Variants in GRIK3 observed in about 807,000 individuals in gnomAD.
GRIK3 encodes the protein glutamate receptor ionotropic, kainate 3.
In GRIK3, 29 loss-of-function variants were observed where a neutral mutation model predicts 102.5. That is an observed-to-expected ratio of 0.28 (90% CI 0.21 to 0.39). The LOEUF is 0.39. Among genes scored for constraint, GRIK3 ranks in the 10% least tolerant of loss-of-function variants. The probability of loss-of-function intolerance (pLI) is 1.00; values close to 1 mark genes in which losing one functional copy is unlikely to be tolerated. For missense variants in GRIK3, 908 were observed against 1,252.4 expected, an observed-to-expected ratio of 0.73 and a Z score of 4.15; for synonymous variants, 511 against 504.9, an observed-to-expected ratio of 1.01 and a Z score of -0.16.
At chr1:36,989,787 G>C (rs1188905471) in intron 1 of GRIK3, among the ~76,000 whole-genome samples, 6 of 152,114 alleles carry the variant, frequency 3.9e-5, no homozygotes, top group Admixed American at 3.9e-4. Context: ...CACAATCTCA[G>C]CCTGAAGTAG....
chr1:36,990,258 A>G (rs1271459645), intron 1 of GRIK3, among the ~76,000 whole-genome samples: 3 of 152,192 alleles, frequency 2.0e-5, no homozygotes, highest in Admixed American at 6.5e-5. Context: ...TGCCCCATCC[A>G]CCCGACTGGG....
chr1:36,909,512 G>T (rs558724577), intron 1 of GRIK3, among the ~76,000 whole-genome samples: 9 of 152,246 alleles, frequency 5.9e-5, no homozygotes, highest in African/African-American at 2.2e-4. Flanking sequence ...CGTTGACCAG[G>T]CTGATTTCGA....
chr1:36,978,476 C>T, intron 1 of GRIK3, among the ~76,000 whole-genome samples: 1 of 152,238 alleles, frequency 6.6e-6, no homozygotes, highest in African/African-American at 2.4e-5. Context: ...TGCTGCATAA[C>T]AAATCTTCAC....
At position 36,906,598 on chromosome 1, in the gene GRIK3, A is replaced by G. The variant is rs142292275; in HGVS notation, c.116-15502T>C. Among the ~76,000 whole-genome samples, 125 of 152,338 alleles carry G rather than the reference A, an allele frequency of 8.2e-4. 1 individual carries two copies. In the East Asian group the frequency reaches 0.013, roughly 16 times the overall value. On this transcript the variant is annotated intron_variant, in intron 1 of 15. Transcript: ENST00000373091. The stretch of plus-strand genomic sequence containing the variant: ...GCAGGGTTGACAAACTTTGTCTGCA[A>G]AGGATCGGAGGGTAAATGTTTTAGA...
intron 1 of GRIK3, among the ~76,000 whole-genome samples, chr1:36,906,663 TTG>T (rs1481990732): frequency 1.1e-4 from 16 of 139,394 alleles, no homozygotes; most frequent in African/African-American, 3.8e-4. Flanking sequence ...ATGGTTGTTG[TTG>T]CAAGGACTCA....
chr1:36,916,525 T>C (rs1041865802), intron 1 of GRIK3, among the ~76,000 whole-genome samples: 1 of 151,690 alleles, frequency 6.6e-6, no homozygotes, highest in African/African-American at 2.4e-5. Context: ...AGGAGAAAAA[T>C]GGTTTTGTGG....
intron 1 of GRIK3, among the ~76,000 whole-genome samples, chr1:37,030,199 A>T (rs1402819460): frequency 6.6e-6 from 1 of 152,192 alleles, no homozygotes; most frequent in East Asian, 1.9e-4. Flanking sequence ...CAGGGGGGAA[A>T]ACCCTATTGA....
At chr1:36,995,657 C>T (rs539308089) in intron 1 of GRIK3, among the ~76,000 whole-genome samples, 36 of 152,342 alleles carry the variant, frequency 2.4e-4, no homozygotes, top group African/African-American at 8.7e-4. Context: ...AGAAACCACA[C>T]AGTTTCCTCA....
chr1:36,884,979 G>A (rs1641021817), intron 2 of GRIK3, among the ~76,000 whole-genome samples: 1 of 152,220 alleles, frequency 6.6e-6, no homozygotes, highest in Admixed American at 6.5e-5. Context: ...AGGATTGTAA[G>A]AGTGTTCTTC....
chr1:37,028,667 A>C (rs1243950439), intron 1 of GRIK3, among the ~76,000 whole-genome samples: 1 of 152,182 alleles, frequency 6.6e-6, no homozygotes, highest in Non-Finnish European at 1.5e-5. Context: ...CACCGCATTC[A>C]GCCCCTTAAA....
At chr1:36,841,632 C>T (rs1640451464) in intron 10 of GRIK3, 104 bp downstream of exon 10, 2 of 967,166 alleles carry the variant, frequency 2.1e-6, no homozygotes, top group African/African-American at 1.6e-5. Context: ...CACTCCTGTC[C>T]CCAGGGCCTT....
intron 7 of GRIK3, among the ~76,000 whole-genome samples, chr1:36,857,267 GGCTGCTCA>G (rs1383523954): frequency 2.0e-5 from 3 of 152,276 alleles, no homozygotes; most frequent in African/African-American, 7.2e-5. Context: ...CTCACACAGT[GGCTGCTCA>G]GCTGGAGGCC....
intron 1 of GRIK3, among the ~76,000 whole-genome samples, chr1:37,028,295 C>T (rs1016452052): frequency 6.6e-6 from 1 of 152,104 alleles, no homozygotes; most frequent in African/African-American, 2.4e-5. Context: ...GACATGTAGA[C>T]TACAGACCCC....
chr1:36,879,750 C>T (rs147654138), intron 3 of GRIK3, among the ~76,000 whole-genome samples: 218 of 152,310 alleles, frequency 1.4e-3, no homozygotes, highest in African/African-American at 5.1e-3. Flanking sequence ...TTAGCTCTAG[C>T]TGGCAGAGCA....
chr1:36,874,869 C>T (rs140406556), intron 3 of GRIK3, among the ~76,000 whole-genome samples: 76 of 152,280 alleles, frequency 5.0e-4, no homozygotes, highest in African/African-American at 1.8e-3. Context: ...AGCCCTCCTT[C>T]CCATCAGTGT....
In GRIK3 at chr1:36,962,251, A is replaced by C. The variant is rs12140187; in HGVS notation, c.116-71155T>G. Among the ~76,000 whole-genome samples the C allele has an allele frequency of 9.9e-3, 1,503 of 151,854 alleles. 14 individuals are homozygous for C. Among genetic ancestry groups the C allele is most frequent in the Non-Finnish European group, 0.016 (1,080 of 67,934 alleles). On this transcript the variant is annotated intron_variant, in intron 1 of 15. Coordinates refer to ENST00000373091, the MANE Select transcript of GRIK3 (RefSeq NM_000831.4). Reference sequence around the variant, plus strand: ...GATGCAAAGATCCTTGCAAAGAGGCACTCTCCATTCCTCTTATCTCTGTCA... The same window carrying C: ...GATGCAAAGATCCTTGCAAAGAGGCCCTCTCCATTCCTCTTATCTCTGTCA...
Position 36,872,399 on chromosome 1 carries a change from C to T in GRIK3, c.551-30G>A, listed in dbSNP as rs373285581. The T allele has an allele frequency of 6.2e-5, 95 of 1,520,314 alleles. No homozygotes were observed. The highest frequency in any genetic ancestry group is 7.9e-5 in the Non-Finnish European group (88 of 1,119,066). 94.2% of individuals were successfully genotyped at this position (1,520,314 alleles called of 1,614,324 possible). On this transcript the variant is annotated intron_variant, in intron 3 of 15. Coordinates refer to ENST00000373091, the MANE Select transcript of GRIK3 (RefSeq NM_000831.4). This position sits in a 1 kb window ranked among gnomAD's most constrained non-coding sequence, Gnocchi z 5.9. ...GGGGCCATGGAGCACAAAAGACACA[C>T]GTGTACCACATGTATCCACAGCTCC... is the stretch of plus-strand genomic sequence containing the variant.
At chr1:36,953,717 G>C (rs1202094032) in intron 1 of GRIK3, among the ~76,000 whole-genome samples, 1 of 152,006 alleles carries the variant, frequency 6.6e-6, no homozygotes, top group Non-Finnish European at 1.5e-5. Flanking sequence ...GCACCCGAAG[G>C]TGCCAGCTGG....
intron 1 of GRIK3, among the ~76,000 whole-genome samples, chr1:36,933,288 C>A (rs1191005681): frequency 1.3e-5 from 2 of 152,146 alleles, no homozygotes; most frequent in East Asian, 1.9e-4. Flanking sequence ...AGGTGTCAAA[C>A]CTCAGTTCAC....
Sources: gnomAD v4.1 joint callset for allele counts (sites outside exome capture counted in the v4.1 genomes callset) on GRCh38, gnomAD v4.1.1 for gene constraint, Gnocchi (gnomAD v3.1) non-coding constraint, MANE v1.5 for transcripts, NCBI Gene and HGNC (gene_info 2026-07-23, HGNC 2026-07-21) for gene names.